Variants in HIRA observed in about 807,000 individuals in gnomAD.
The protein encoded by HIRA is histone cell cycle regulator.
Under a neutral mutation model 126.6 loss-of-function variants are expected in HIRA, and 13 were observed. That is an observed-to-expected ratio of 0.10 (90% CI 0.07 to 0.16). The LOEUF is 0.16. Among genes scored for constraint, HIRA ranks in the 10% least tolerant of loss-of-function variants. The probability of loss-of-function intolerance (pLI) is 1.00; values close to 1 mark genes in which losing one functional copy is unlikely to be tolerated. For synonymous variants in HIRA, 511 were observed against 520.0 expected (o/e 0.98, Z 0.24); for missense variants, 834 against 1,314.4 (o/e 0.63, Z 5.65).
rs1346199650 is a variant in HIRA at position 19,405,856 on chromosome 22, G to A, written c.327C>T (p.Phe109=). The A allele has an allele frequency of 8.0e-6, 12 of 1,505,882 alleles. No homozygotes were observed. Among genetic ancestry groups the A allele is most frequent in the East Asian group, 7.8e-5 (3 of 38,534 alleles). 93.3% of individuals were successfully genotyped at this position (1,505,882 alleles called of 1,614,324 possible). A position where few individuals can be genotyped will look rare whatever the true frequency, so the allele number is the denominator to read the frequency against. Residue 109 remains phenylalanine (F), a synonymous_variant, in exon 5 of 25, where the codon TTC becomes TTT. Transcript: ENST00000263208. The part of the protein sequence containing the change: ...RATYIGPSTV[F]GSSGKLANVE... ...CATTGGCAAGCTTACCACTGGAGCC[G>A]AACACGGTGCTGGGGCCGATGTACC...
chr22:19,385,193 T>C (rs556198902), intron 12 of HIRA, among the ~76,000 whole-genome samples: 38 of 152,168 alleles, frequency 2.5e-4, no homozygotes, highest in Admixed American at 7.2e-4. Flanking sequence ...GGGGAGCCCA[T>C]AGAAGTCTCC....
intron 24 of HIRA, among the ~76,000 whole-genome samples, chr22:19,345,009 A>G (rs2088670828): frequency 6.6e-6 from 1 of 152,218 alleles, no homozygotes; most frequent in Admixed American, 6.5e-5. Context: ...ATAAATAAAA[A>G]GCCCACAGCT....
chr22:19,391,188 C>T (rs1458715377), intron 9 of HIRA, among the ~76,000 whole-genome samples: 1 of 152,108 alleles, frequency 6.6e-6, no homozygotes, highest in Non-Finnish European at 1.5e-5. Context: ...CTGTTAAGTG[C>T]AGCAACATAC....
rs747166685 is a variant in HIRA, at chr22:19,361,308, T to C, written c.2014A>G (p.Met672Val). ...GCAAGTGCTGGTGCAGACAGACACA[T>C]GGCCTCCTTCTCTGCGGTTAGGGCA... ...PAALTAEKEAMCLSAPALALK... is the reference protein window; with the variant it reads ...PAALTAEKEAVCLSAPALALK... Residue 672 changes from methionine to valine, a missense_variant, in exon 17 of 25, where the codon ATG becomes GTG. This residue lies in a region of HIRA where 468 missense variants were observed against 574.2 expected (regional missense o/e 0.82). Transcript: ENST00000263208. 19 of 1,614,098 alleles carry C rather than the reference T, an allele frequency of 1.2e-5. No homozygotes were observed. In the East Asian group the frequency reaches 3.1e-4, roughly 26 times the overall value.
chr22:19,363,140 A>AG (rs1158592077), intron 15 of HIRA, among the ~76,000 whole-genome samples: 1 of 151,436 alleles, frequency 6.6e-6, no homozygotes, highest in Non-Finnish European at 1.5e-5. Context: ...AGGCTGAGGC[A>AG]GGGCAATTGC....
At chr22:19,362,818 C>A (rs2088876963) in intron 15 of HIRA, among the ~76,000 whole-genome samples, 1 of 151,640 alleles carries the variant, frequency 6.6e-6, no homozygotes, top group Non-Finnish European at 1.5e-5. Flanking sequence ...GCCTCAGCCT[C>A]CCAAAGTGTT....
intron 1 of HIRA, 49 bp downstream of exon 1, chr22:19,431,391 C>T (rs1280203967): frequency 6.3e-7 from 1 of 1,595,860 alleles, no homozygotes; most frequent in Non-Finnish European, 8.5e-7. Context: ...GACTCCAGAC[C>T]CCGACCCGAC....
chr22:19,369,501 G>A (rs1302283638), intron 15 of HIRA, among the ~76,000 whole-genome samples: 1 of 152,174 alleles, frequency 6.6e-6, no homozygotes, highest in Non-Finnish European at 1.5e-5. Flanking sequence ...CCTGAGAGGA[G>A]ATGGACTCAG....
intron 15 of HIRA, among the ~76,000 whole-genome samples, chr22:19,373,263 T>C (rs1569299159): frequency 6.6e-6 from 1 of 152,206 alleles, no homozygotes; most frequent in Non-Finnish European, 1.5e-5. Context: ...GTTTTAGCTT[T>C]CATGTCTTTC....
At chr22:19,348,742 C>A (rs915787159) in intron 24 of HIRA, among the ~76,000 whole-genome samples, 1 of 151,998 alleles carries the variant, frequency 6.6e-6, no homozygotes, top group Admixed American at 6.6e-5. Context: ...TGATCCGACC[C>A]CCTTGGCCTC....
chr22:19,365,062 G>GC (rs1445732876), intron 15 of HIRA, among the ~76,000 whole-genome samples: 1 of 152,226 alleles, frequency 6.6e-6, no homozygotes, highest in East Asian at 1.9e-4. Context: ...CTAATCCAAA[G>GC]CAAGGCTCTA....
rs763994540 is a variant in HIRA at position 19,408,516 on chromosome 22, G to A, written c.178C>T (p.Pro60Ser). Reference protein sequence around the residue: ...QEDDEKDENIPKMLCQMDNHL... With the variant: ...QEDDEKDENISKMLCQMDNHL... ...TTGTCCATCTGGCAAAGCATCTTGG[G>A]AATATTTTCATCCTTCTCGTCATCC... The change falls in exon 3 of 25, where the codon CCC becomes TCC. Residue 60 changes from proline to serine, a missense_variant. By Grantham distance (74) the Pro-to-Ser change is moderately conservative. Around this residue, in one of 5 missense-constraint regions of HIRA, gnomAD observed 102 missense variants for 191.4 expected, o/e 0.53. Transcript: ENST00000263208. 3 of 1,613,054 alleles carry A rather than the reference G, an allele frequency of 1.9e-6. No individual in the cohort carries two copies. The highest frequency in any genetic ancestry group is 2.5e-6 in the Non-Finnish European group (3 of 1,179,098).
intron 15 of HIRA, among the ~76,000 whole-genome samples, chr22:19,371,430 C>T (rs1050718153): frequency 6.6e-6 from 1 of 151,834 alleles, no homozygotes; most frequent in African/African-American, 2.4e-5. Context: ...GGTTCATTTC[C>T]AAATCTGGTT....
intron 24 of HIRA, among the ~76,000 whole-genome samples, chr22:19,332,635 AC>A (rs2088503590): frequency 6.6e-6 from 1 of 151,806 alleles, no homozygotes; most frequent in Non-Finnish European, 1.5e-5. Context: ...AAAAAAAAAA[AC>A]CAACACAAAA....
intron 7 of HIRA, among the ~76,000 whole-genome samples, chr22:19,396,439 C>A (rs1796107541): frequency 6.6e-6 from 1 of 152,196 alleles, no homozygotes; most frequent in Non-Finnish European, 1.5e-5. Flanking sequence ...TCGCTTGAAC[C>A]CAGGAGGCGG....
chr22:19,340,209 G>A (rs1201216683), intron 24 of HIRA, among the ~76,000 whole-genome samples: 2 of 152,008 alleles, frequency 1.3e-5, no homozygotes, highest in African/African-American at 4.8e-5. Flanking sequence ...ATACAGGGAA[G>A]ACTTAACGTA....
chr22:19,373,032 A>G (rs1196089661), intron 15 of HIRA, among the ~76,000 whole-genome samples: 2 of 152,168 alleles, frequency 1.3e-5, no homozygotes, highest in Non-Finnish European at 1.5e-5. Context: ...GATGAAGTCC[A>G]ATTTATCGAT....
At chr22:19,379,280 G>A (rs1300674196) in intron 13 of HIRA, among the ~76,000 whole-genome samples, 1 of 151,372 alleles carries the variant, frequency 6.6e-6, no homozygotes, top group African/African-American at 2.4e-5. Context: ...CCAAAGTGCT[G>A]GGATTACAGG....
chr22:19,383,787 T>C, intron 12 of HIRA, 82 bp from the exon 13 acceptor site: 1 of 1,086,790 alleles, frequency 9.2e-7, no homozygotes, highest in Admixed American at 1.9e-5. Flanking sequence ...TCTCTTTTTT[T>C]CCTGGTGATA....
Sources: gnomAD v4.1 joint callset for allele counts (sites outside exome capture counted in the v4.1 genomes callset) on GRCh38, gnomAD v4.1.1 for gene constraint, gnomAD v4.1.1 regional missense constraint, MANE v1.5 for transcripts, NCBI Gene and HGNC (gene_info 2026-07-23, HGNC 2026-07-21) for gene names.